Variants in LARGE1 observed in about 807,000 individuals in gnomAD.
LARGE1 encodes the protein xylosyl- and glucuronyltransferase LARGE1.
LARGE1 carries 43 observed loss-of-function variants against 87.6 expected under a neutral mutation model. That is an observed-to-expected ratio of 0.49 (90% CI 0.38 to 0.63). The LOEUF (loss-of-function observed/expected upper bound fraction) is 0.63, where lower values mean the gene tolerates loss of function less well. Ranked by LOEUF, LARGE1 falls within the 30% of genes least tolerant of loss-of-function variation. The probability of loss-of-function intolerance (pLI) is 0.00; values close to 1 mark genes in which losing one functional copy is unlikely to be tolerated. For synonymous variants in LARGE1, 434 were observed against 394.6 expected, an observed-to-expected ratio of 1.10 and a Z score of -1.18; for missense variants, 802 against 1,000.2, an observed-to-expected ratio of 0.80 and a Z score of 2.67.
At chr22:33,819,105 T>C (rs897604270) in intron 1 of LARGE1, among the ~76,000 whole-genome samples, 2 of 152,174 alleles carry the variant, frequency 1.3e-5, no homozygotes, top group Non-Finnish European at 2.9e-5. Context: ...GAGGACTGGA[T>C]GGAGTGACGT....
intron 10 of LARGE1, among the ~76,000 whole-genome samples, chr22:33,320,339 TA>T (rs749276407): frequency 1.3e-5 from 2 of 152,212 alleles, no homozygotes; most frequent in South Asian, 2.1e-4. Context: ...CTCCTCCACC[TA>T]AAAAACCTTC....
At chr22:33,434,985 T>G (rs919405444) in intron 6 of LARGE1, among the ~76,000 whole-genome samples, 5 of 152,140 alleles carry the variant, frequency 3.3e-5, no homozygotes, top group Non-Finnish European at 7.4e-5. Flanking sequence ...TTCCTACTGT[T>G]TTTTGTTTGT....
At chr22:33,708,224 T>C (rs2082619722) in intron 2 of LARGE1, among the ~76,000 whole-genome samples, 1 of 151,614 alleles carries the variant, frequency 6.6e-6, no homozygotes, top group Non-Finnish European at 1.5e-5. Context: ...AAGTTAGGAG[T>C]TGCTGATATG....
At chr22:33,575,381 A>G (rs2078324685) in intron 5 of LARGE1, among the ~76,000 whole-genome samples, 2 of 152,196 alleles carry the variant, frequency 1.3e-5, no homozygotes, top group South Asian at 4.1e-4. Flanking sequence ...TTCTTTAGCT[A>G]TCTCTATACC....
At chr22:33,290,842 C>T (rs1300735600) in intron 12 of LARGE1, among the ~76,000 whole-genome samples, 1 of 152,110 alleles carries the variant, frequency 6.6e-6, no homozygotes, top group Non-Finnish European at 1.5e-5. Flanking sequence ...AGTTCGAGAC[C>T]AGCCTGACCA....
chr22:33,917,424 G>A (rs547162064), intron 1 of LARGE1, among the ~76,000 whole-genome samples: 317 of 152,310 alleles, frequency 2.1e-3, no homozygotes, highest in African/African-American at 7.1e-3. Flanking sequence ...TGCAGACAGC[G>A]TCTGAGGTGG....
intron 9 of LARGE1, among the ~76,000 whole-genome samples, chr22:33,374,760 C>A (rs1387642063): frequency 6.6e-6 from 1 of 151,874 alleles, no homozygotes; most frequent in African/African-American, 2.4e-5. Context: ...GGTATCTACC[C>A]AAATTATATA....
chr22:33,327,006 T>C (rs1232917837), intron 10 of LARGE1, among the ~76,000 whole-genome samples: 1 of 152,158 alleles, frequency 6.6e-6, no homozygotes, highest in Non-Finnish European at 1.5e-5. Flanking sequence ...GGGTTTTGGG[T>C]CTGTCCATCC....
chr22:33,422,618 T>C (rs2066732117), intron 7 of LARGE1, among the ~76,000 whole-genome samples: 1 of 152,014 alleles, frequency 6.6e-6, no homozygotes, highest in Non-Finnish European at 1.5e-5. Flanking sequence ...TAAGAGATTG[T>C]ACTGCCTCCA....
intron 2 of LARGE1, among the ~76,000 whole-genome samples, chr22:33,751,549 T>A (rs892292867): frequency 6.6e-6 from 1 of 151,792 alleles, no homozygotes; most frequent in African/African-American, 2.4e-5. Flanking sequence ...CATCCCAAAG[T>A]CTTCCTTGGG....
chr22:33,836,913 AGAT>A (rs1378445446), intron 1 of LARGE1, among the ~76,000 whole-genome samples: 2 of 152,318 alleles, frequency 1.3e-5, no homozygotes, highest in Non-Finnish European at 2.9e-5. Context: ...AAGCCAGTTC[AGAT>A]AATAGCAGTT....
chr22:33,861,834 A>G (rs2146597578), intron 1 of LARGE1, among the ~76,000 whole-genome samples: 1 of 151,650 alleles, frequency 6.6e-6, no homozygotes, highest in African/African-American at 2.4e-5. Flanking sequence ...CAGTAGAAGA[A>G]AAGTGGATTT....
At chr22:33,276,918 A>G in intron 14 of LARGE1, 142 bp downstream of exon 14, 1 of 840,588 alleles carries the variant, frequency 1.2e-6, no homozygotes, top group Non-Finnish European at 2.0e-6. Context: ...CAAGAGCCCA[A>G]GGATCAGTAC....
rs138226438 is a variant in LARGE1 at position 33,364,799 on chromosome 22, C to T, written c.1131+17120G>A. Reference sequence around the variant, plus strand: ...GCATCCTCTGCCTCCTGGGTTCATGCAAACGTCCCACCGCAGCCACCCAAG... The same window carrying T: ...GCATCCTCTGCCTCCTGGGTTCATGTAAACGTCCCACCGCAGCCACCCAAG... On this transcript the variant is annotated intron_variant, in intron 9 of 14. Transcript: ENST00000397394. Among the ~76,000 whole-genome samples the T allele has an allele frequency of 3.4e-3, 519 of 152,212 alleles. 3 individuals carry two copies. Among genetic ancestry groups the T allele is most frequent in the African/African-American group, 0.012 (486 of 41,524 alleles).
intron 1 of LARGE1, among the ~76,000 whole-genome samples, chr22:33,807,834 C>T (rs1400491224): frequency 1.3e-5 from 2 of 152,108 alleles, no homozygotes; most frequent in Non-Finnish European, 2.9e-5. Flanking sequence ...GGCTTGATGG[C>T]TCATTTCTTT....
At chr22:33,675,248 T>G (rs1267467003) in intron 2 of LARGE1, among the ~76,000 whole-genome samples, 1 of 122,520 alleles carries the variant, frequency 8.2e-6, no homozygotes, top group Non-Finnish European at 1.6e-5. Flanking sequence ...GAGCCAAGAT[T>G]GCGCCACTGC....
the LARGE1 span, among the ~76,000 whole-genome samples, chr22:33,078,980 A>G: frequency 6.6e-6 from 1 of 152,204 alleles, no homozygotes; most frequent in South Asian, 2.1e-4. Context: ...GAGAGACAAC[A>G]CAGCACACTA....
At chr22:33,310,581 G>T (rs1055583655) in intron 11 of LARGE1, among the ~76,000 whole-genome samples, 1 of 152,142 alleles carries the variant, frequency 6.6e-6, no homozygotes, top group Non-Finnish European at 1.5e-5. Flanking sequence ...CTAATTCGTT[G>T]TGGCATTCAC....
intron 1 of LARGE1, among the ~76,000 whole-genome samples, chr22:33,861,871 T>G (rs558214496): frequency 2.5e-4 from 38 of 149,628 alleles, no homozygotes; most frequent in African/African-American, 9.4e-4. Context: ...TTTTTTTTTT[T>G]TTTTTTTTTT....
Sources: allele counts gnomAD v4.1 joint callset (sites outside exome capture counted in the v4.1 genomes callset), GRCh38; gene constraint gnomAD v4.1.1; transcripts MANE v1.5; gene names NCBI Gene and HGNC (gene_info 2026-07-23, HGNC 2026-07-21).